The following GLE1 variants were observed in gnomAD, a reference collection of about 807,000 sequenced individuals.
GLE1 encodes the protein mRNA export factor GLE1.
A neutral mutation model predicts 97.3 loss-of-function variants in GLE1; 78 were observed. That is an observed-to-expected ratio of 0.80 (90% confidence interval 0.67 to 0.97). The LOEUF (loss-of-function observed/expected upper bound fraction) is 0.97. Ranked by LOEUF, GLE1 falls within the 50% of genes least tolerant of loss-of-function variation. The pLI is 0.00. For synonymous variants in GLE1, 302 were observed against 313.4 expected (o/e 0.96, Z 0.39); for missense variants, 753 against 857.5 (o/e 0.88, Z 1.52).
At chr9:128,522,634 TTA>T (rs1847183449) in intron 3 of GLE1, 32 bp from the exon 4 acceptor site, 1 of 1,243,200 alleles carries the variant, frequency 8.0e-7, no homozygotes, top group Admixed American at 2.7e-5. Flanking sequence ...AGATTCCATC[TTA>T]AAAAAAAAAA....
At chr9:128,520,566 C>T (rs1457665353) in intron 3 of GLE1, among the ~76,000 whole-genome samples, 2 of 151,738 alleles carry the variant, frequency 1.3e-5, no homozygotes, top group African/African-American at 4.8e-5. Flanking sequence ...TAGCCGGTAG[C>T]TCCGTTTTCA....
In GLE1 at chr9:128,527,537, G is replaced by A. The variant is rs757542342; in HGVS notation, c.1312+12G>A. ...CTCTACCATTGCAGGTTGGTCAGAGGGGTTGAGAACATGACCTTTCATTTC... is the reference window on the plus strand; with the variant it reads ...CTCTACCATTGCAGGTTGGTCAGAGAGGTTGAGAACATGACCTTTCATTTC... On this transcript the variant is annotated intron_variant, in intron 9 of 15. Coordinates refer to ENST00000309971, the MANE Select transcript of GLE1 (RefSeq NM_001003722.2). 3.9e-6 allele frequency: 6 copies of A among 1,542,274 alleles called. No individual in the cohort carries two copies. In the African/African-American group the frequency reaches 6.8e-5, roughly 17 times the overall value.
rs1846594567 is a variant in GLE1 at position 128,504,869 on chromosome 9, C to T, written c.64C>T (p.Leu22Phe). ...KALRSSDKGR[L>F]CYYRDWLLRR... is the part of the protein sequence containing the mutation. ...CCTACGCAGTTCCGACAAAGGTCGC[C>T]TTTGCTACTACCGCGACTGGCTGCT... The change falls in exon 1 of 16, where the codon CTT (leucine) becomes TTT (phenylalanine). Residue 22 changes from leucine (L) to phenylalanine (F), a missense_variant. Physicochemically the swap from Leu to Phe is conservative, Grantham distance 22 (BLOSUM62 0). Coordinates refer to ENST00000309971, the MANE Select transcript of GLE1 (RefSeq NM_001003722.2). 6.2e-7 allele frequency: 1 copy of T among 1,613,242 alleles called. No homozygotes were observed. The highest frequency in any genetic ancestry group is 1.7e-5 in the Admixed American group (1 of 60,018).
intron 9 of GLE1, among the ~76,000 whole-genome samples, chr9:128,530,412 C>A (rs555967431): frequency 6.6e-6 from 1 of 152,156 alleles, no homozygotes. Context: ...ATGACTGCTG[C>A]CTCTCTTTCA....
Position 128,522,702 on chromosome 9 carries a change from G to C in GLE1, c.467G>C (p.Arg156Thr), listed in dbSNP as rs747796840. Residue 156 changes from arginine (R) to threonine (T), a missense_variant, in exon 4 of 16, where the codon AGG (arginine) becomes ACG (threonine). Arg to Thr is a moderately conservative substitution (Grantham distance 71). Coordinates refer to ENST00000309971, the MANE Select transcript of GLE1 (RefSeq NM_001003722.2). Reference protein sequence around the residue: ...GLRLWQEEQERKVQALSEMAS... With the variant: ...GLRLWQEEQETKVQALSEMAS... ...AGGCTATGGCAGGAGGAGCAGGAGA[G>C]GAAGGTGCAAGCCCTCTCGGAGATG... 1.9e-6 allele frequency: 3 copies of C among 1,613,578 alleles called. No individual in the cohort carries two copies. In the South Asian group the frequency reaches 3.3e-5, roughly 18 times the overall value.
chr9:128,536,321 A>G (rs1401898316), intron 11 of GLE1, 34 bp from the exon 12 acceptor site: 1 of 1,604,232 alleles, frequency 6.2e-7, no homozygotes, highest in Non-Finnish European at 8.5e-7. Flanking sequence ...AGCGTGAGCC[A>G]CCACACCCGG....
At chr9:128,533,286 C>T (rs566303388) in intron 9 of GLE1, among the ~76,000 whole-genome samples, 3 of 151,660 alleles carry the variant, frequency 2.0e-5, no homozygotes, top group Non-Finnish European at 4.4e-5. Context: ...CAAAACTTAG[C>T]CCAGTGTGGT....
At chr9:128,533,486 C>G (rs1847591784) in intron 9 of GLE1, 27 bp from the exon 10 acceptor site, 2 of 995,696 alleles carry the variant, frequency 2.0e-6, no homozygotes, top group African/African-American at 1.7e-5. Context: ...GTGGTTATAT[C>G]TTTTAATTTC....
chr9:128,521,679 T>C (rs551662302), intron 3 of GLE1, among the ~76,000 whole-genome samples: 4 of 152,374 alleles, frequency 2.6e-5, no homozygotes, highest in Admixed American at 2.6e-4. Flanking sequence ...AGTATGACTG[T>C]ACTATAATAC....
At position 128,511,518 on chromosome 9, in the gene GLE1, T is replaced by C. The variant is rs1006906250; in HGVS notation, c.321+2421T>C. On this transcript the variant is annotated intron_variant, in intron 2 of 15. Coordinates refer to ENST00000309971, the MANE Select transcript of GLE1 (RefSeq NM_001003722.2). ...GTCAGGAGATCAAGACCATTCTGGC[T>C]AACACGGTCAAACCCCTTCTCTACT... Among the ~76,000 whole-genome samples, 19 of 151,202 alleles carry C rather than the reference T, an allele frequency of 1.3e-4. No individual in the cohort carries two copies. In the East Asian group the frequency reaches 2.0e-3, roughly 16 times the overall value.
At chr9:128,528,772 C>G (rs916291692) in intron 9 of GLE1, 1 of 152,234 alleles carries the variant, frequency 6.6e-6, no homozygotes, top group Non-Finnish European at 1.5e-5. Context: ...TCCAAGCTCG[C>G]CTTGTTCATC....
chr9:128,515,782 G>A, intron 3 of GLE1, 143 bp downstream of exon 3: 1 of 678,508 alleles, frequency 1.5e-6, no homozygotes, highest in Middle Eastern at 3.7e-4. Context: ...ATAGAGGTCA[G>A]GAGTGAGTGC....
chr9:128,505,981 G>T (rs1589038039), intron 1 of GLE1, among the ~76,000 whole-genome samples: 1 of 152,140 alleles, frequency 6.6e-6, no homozygotes, highest in Non-Finnish European at 1.5e-5. Context: ...TCAGTGAGTT[G>T]TAATCCATTA....
rs554980868 is a variant in GLE1, at chr9:128,535,579, G to A, written c.1647-776G>A. Among the ~76,000 whole-genome samples the A allele has an allele frequency of 1.4e-4, 21 of 149,006 alleles. 1 individual carries two copies. In the South Asian group the frequency reaches 2.8e-3, roughly 20 times the overall value. Reference sequence around the variant, plus strand: ...CTCACATTTGTAATCCCAGCACTTTGTGAGGCTGAGGCGGGCAGATCACCT... The same window carrying A: ...CTCACATTTGTAATCCCAGCACTTTATGAGGCTGAGGCGGGCAGATCACCT... On this transcript the variant is annotated intron_variant, in intron 11 of 15. Transcript: ENST00000309971.
chr9:128,505,721 T>C (rs900294605), intron 1 of GLE1, among the ~76,000 whole-genome samples: 1 of 152,216 alleles, frequency 6.6e-6, no homozygotes, highest in African/African-American at 2.4e-5. Flanking sequence ...GATCACCTGG[T>C]TACGTTATTA....
chr9:128,539,816 A>G, intron 14 of GLE1, 118 bp downstream of exon 14: 1 of 1,576,930 alleles, frequency 6.3e-7, no homozygotes, highest in Non-Finnish European at 8.6e-7. Context: ...TGTACTAAGT[A>G]TGACATCTTT....
intron 2 of GLE1, among the ~76,000 whole-genome samples, chr9:128,510,751 A>G (rs1180974865): frequency 1.4e-5 from 2 of 147,336 alleles, no homozygotes; most frequent in African/African-American, 5.0e-5. Context: ...CTGGTCTCAA[A>G]CTACTGACCT....
intron 3 of GLE1, among the ~76,000 whole-genome samples, chr9:128,520,276 A>ATG (rs1214948855): frequency 1.3e-5 from 2 of 150,336 alleles, no homozygotes; most frequent in Non-Finnish European, 3.0e-5. Flanking sequence ...ATATGTATAT[A>ATG]TGTGTGTATA....
In GLE1 at chr9:128,522,827, C is replaced by A; in HGVS notation, c.581+11C>A. The A allele has an allele frequency of 6.2e-7, 1 of 1,613,108 alleles. No homozygotes were observed. The highest frequency in any genetic ancestry group is 1.1e-5 in the South Asian group (1 of 91,056). On this transcript the variant is annotated intron_variant, in intron 4 of 15. Transcript: ENST00000309971. ...AGTAATGGAGAAGAGGTGAGTCTCC[C>A]TGAATTATGACTGGGAATGTTGATG...
Sources: allele counts gnomAD v4.1 joint callset (sites outside exome capture counted in the v4.1 genomes callset), GRCh38; gene constraint gnomAD v4.1.1; transcripts MANE v1.5; gene names NCBI Gene and HGNC (gene_info 2026-07-23, HGNC 2026-07-21).